Variants in PARD3B observed in about 807,000 individuals in gnomAD.
The protein encoded by PARD3B is partitioning defective 3 homolog B.
PARD3B carries 103 observed loss-of-function variants against 130.2 expected under a neutral mutation model. The ratio of observed to expected loss-of-function variants is 0.79; its 90% CI spans 0.67 to 0.93. The LOEUF is 0.93. Among genes scored for constraint, PARD3B ranks in the 40% least tolerant of loss-of-function variants. The probability of loss-of-function intolerance (pLI) is 0.00; values close to 1 mark genes in which losing one functional copy is unlikely to be tolerated. For synonymous variants in PARD3B, 583 were observed against 553.2 expected, an observed-to-expected ratio of 1.05 and a Z score of -0.76; for missense variants, 1,609 against 1,499.2, an observed-to-expected ratio of 1.07 and a Z score of -1.21.
At chr2:205,278,113 A>G (rs1362083279) in intron 16 of PARD3B, among the ~76,000 whole-genome samples, 1 of 152,180 alleles carries the variant, frequency 6.6e-6, no homozygotes, top group Non-Finnish European at 1.5e-5. Flanking sequence ...ATCAAACAAA[A>G]TAAGGACTGA....
At chr2:205,480,141 A>G (rs890377643) in intron 20 of PARD3B, among the ~76,000 whole-genome samples, 2 of 151,974 alleles carry the variant, frequency 1.3e-5, no homozygotes, top group African/African-American at 4.8e-5. Flanking sequence ...CTGGCCTCAG[A>G]TGATCCACCC....
At chr2:204,944,437 G>T (rs1689153467) in intron 2 of PARD3B, among the ~76,000 whole-genome samples, 2 of 152,266 alleles carry the variant, frequency 1.3e-5, no homozygotes, top group South Asian at 4.1e-4. Flanking sequence ...CTGCAAGCTG[G>T]TAGCTTCCCC....
chr2:205,019,312 G>A (rs1696415649), intron 3 of PARD3B, among the ~76,000 whole-genome samples: 1 of 152,102 alleles, frequency 6.6e-6, no homozygotes, highest in Non-Finnish European at 1.5e-5. Context: ...GCAAGTATCA[G>A]TACTTTATTT....
At chr2:205,035,011 C>T (rs1456928471) in intron 3 of PARD3B, among the ~76,000 whole-genome samples, 1 of 152,086 alleles carries the variant, frequency 6.6e-6, no homozygotes, top group Non-Finnish European at 1.5e-5. Context: ...CATGCGTGCG[C>T]CACCACGCCC....
chr2:205,025,013 T>G (rs1177144179), intron 3 of PARD3B, among the ~76,000 whole-genome samples: 1 of 152,178 alleles, frequency 6.6e-6, no homozygotes, highest in Non-Finnish European at 1.5e-5. Context: ...GACCGACATT[T>G]TAGATGCAGA....
At chr2:204,974,568 A>T (rs1276879426) in intron 3 of PARD3B, among the ~76,000 whole-genome samples, 1 of 152,208 alleles carries the variant, frequency 6.6e-6, no homozygotes, top group Non-Finnish European at 1.5e-5. Flanking sequence ...AATTGTGATG[A>T]TCAATTAAAC....
At chr2:204,612,630 G>A (rs2033970172) in intron 1 of PARD3B, among the ~76,000 whole-genome samples, 1 of 152,082 alleles carries the variant, frequency 6.6e-6, no homozygotes, top group Non-Finnish European at 1.5e-5. Context: ...AGTTAAGTGT[G>A]TATTCCTCTT....
chr2:205,609,099 T>C lies in PARD3B; in HGVS notation c.3261-6357T>C, dbSNP rs577264775. Reference sequence around the variant, plus strand: ...ATGATCATTATATTTTATGATTCCGTAAAATCTGCCGAAATCAAAGCTATG... The same window carrying C: ...ATGATCATTATATTTTATGATTCCGCAAAATCTGCCGAAATCAAAGCTATG... On this transcript the variant is annotated intron_variant, in intron 22 of 22. Coordinates refer to ENST00000406610, the MANE Select transcript of PARD3B (RefSeq NM_001302769.2). 5.0e-4 allele frequency among the ~76,000 whole-genome samples: 76 copies of C among 152,316 alleles called. No homozygotes were observed. In the Middle Eastern group the frequency reaches 0.024, roughly 48 times the overall value.
In PARD3B at chr2:205,021,466, A is replaced by G. The variant is rs1575572430; in HGVS notation, c.395-26115A>G. On this transcript the variant is annotated intron_variant, in intron 3 of 22. Coordinates refer to ENST00000406610, the MANE Select transcript of PARD3B (RefSeq NM_001302769.2). The surrounding 1 kb of genome is among the most constrained non-coding windows in gnomAD (Gnocchi z 4.5). ...GATTGACTTCCCAACGGCTGCTCAC[A>G]CAGCCTCTGGAAGTGGTAACTTTGG... 2.0e-5 allele frequency among the ~76,000 whole-genome samples: 3 copies of G among 152,070 alleles called. No individual in the cohort carries two copies. Among genetic ancestry groups the G allele is most frequent in the Non-Finnish European group, 2.9e-5 (2 of 68,018 alleles).
At chr2:204,714,704 C>A (rs888314832) in intron 2 of PARD3B, among the ~76,000 whole-genome samples, 4 of 152,280 alleles carry the variant, frequency 2.6e-5, no homozygotes. Context: ...CTACTTATCT[C>A]TATGATATCA....
At chr2:205,182,673 A>G (rs2035860860) in intron 13 of PARD3B, among the ~76,000 whole-genome samples, 1 of 152,202 alleles carries the variant, frequency 6.6e-6, no homozygotes, top group African/African-American at 2.4e-5. Flanking sequence ...TACTTTACAT[A>G]ATATTAAGTA....
intron 2 of PARD3B, among the ~76,000 whole-genome samples, chr2:204,796,563 A>C (rs952611280): frequency 3.9e-5 from 6 of 152,216 alleles, no homozygotes; most frequent in Admixed American, 6.5e-5. Flanking sequence ...GGTGCCCAGC[A>C]CAAAGTGAGC....
intron 10 of PARD3B, among the ~76,000 whole-genome samples, chr2:205,131,676 A>T (rs2032009969): frequency 6.6e-6 from 1 of 152,204 alleles, no homozygotes; most frequent in South Asian, 2.1e-4. Flanking sequence ...TTGAGAATTG[A>T]ATAAATTTCA....
chr2:205,563,365 C>T lies in PARD3B; in HGVS notation c.3260+9962C>T, dbSNP rs934644815. ...CCAGCTGGCTAGGAGTCATATGATG[C>T]TCCTTTAATAAAAGAAAAAAATGTA... On this transcript the variant is annotated intron_variant, in intron 22 of 22. Coordinates refer to ENST00000406610, the MANE Select transcript of PARD3B (RefSeq NM_001302769.2). This position sits in a 1 kb window ranked among gnomAD's most constrained non-coding sequence, Gnocchi z 4.2. 2.0e-5 allele frequency among the ~76,000 whole-genome samples: 3 copies of T among 152,276 alleles called. No homozygotes were observed. The East Asian group carries it at 5.8e-4, about 29-fold the overall frequency.
At chr2:204,882,804 A>G (rs180855604) in intron 2 of PARD3B, among the ~76,000 whole-genome samples, 475 of 152,270 alleles carry the variant, frequency 3.1e-3, no homozygotes, top group African/African-American at 0.011. Context: ...GTGATTATGA[A>G]TCTCTAATAA....
intron 2 of PARD3B, among the ~76,000 whole-genome samples, chr2:204,760,245 A>G (rs953280079): frequency 1.2e-4 from 18 of 152,108 alleles, no homozygotes; most frequent in African/African-American, 4.1e-4. Flanking sequence ...ATGAATTTTC[A>G]TTAGAAATAG....
intron 2 of PARD3B, among the ~76,000 whole-genome samples, chr2:204,858,895 TTATGCTTCAG>T (rs2045068568): frequency 6.6e-6 from 1 of 151,312 alleles, no homozygotes; most frequent in Admixed American, 6.6e-5. Flanking sequence ...TTTAAAAACA[TTATGCTTCAG>T]AGTATTTATT....
At chr2:204,923,829 CAG>C (rs1575318535) in intron 2 of PARD3B, among the ~76,000 whole-genome samples, 1 of 151,956 alleles carries the variant, frequency 6.6e-6, no homozygotes, top group African/African-American at 2.4e-5. Context: ...TTTTTATACA[CAG>C]AGGTGATTGT....
At chr2:204,707,880 T>C (rs1365825887) in intron 2 of PARD3B, among the ~76,000 whole-genome samples, 5 of 152,124 alleles carry the variant, frequency 3.3e-5, no homozygotes, top group Admixed American at 3.3e-4. Flanking sequence ...ACCTTGAAAA[T>C]ATTCCCTACT....
Sources: allele counts gnomAD v4.1 joint callset (sites outside exome capture counted in the v4.1 genomes callset), GRCh38; gene constraint gnomAD v4.1.1; non-coding constraint Gnocchi (gnomAD v3.1); transcripts MANE v1.5; gene names NCBI Gene and HGNC (gene_info 2026-07-23, HGNC 2026-07-21).